Variants in NELL2 observed in about 807,000 individuals in gnomAD.
NELL2 encodes the protein neural EGFL like 2.
A neutral mutation model predicts 109.6 loss-of-function variants in NELL2; 41 were observed. The observed-to-expected ratio is 0.37, with a 90% CI of 0.29 to 0.49. The LOEUF is 0.49. NELL2 is among the 20% of genes least tolerant of loss of function. The probability of loss-of-function intolerance (pLI) is 0.98; values close to 1 mark genes in which losing one functional copy is unlikely to be tolerated. For missense variants in NELL2, 900 were observed against 1,008.3 expected (o/e 0.89, Z 1.45); for synonymous variants, 355 against 344.7 (o/e 1.03, Z -0.33).
At chr12:44,570,871 C>T (rs753250196) in intron 15 of NELL2, among the ~76,000 whole-genome samples, 9 of 152,140 alleles carry the variant, frequency 5.9e-5, no homozygotes, top group African/African-American at 1.4e-4. Flanking sequence ...AACAGAAATG[C>T]ATTATGTCTA....
rs184365457 is a variant in NELL2 at position 44,781,433 on chromosome 12, C to A, written c.336-1411G>T. ...GATCTAACATTTGTATCACTAGCAT[C>A]CGAGAAAGAGAGGAGAAAGGAGGCG... On this transcript the variant is annotated intron_variant, in intron 3 of 19. Transcript: ENST00000429094. Among the ~76,000 whole-genome samples the A allele has an allele frequency of 5.2e-3, 791 of 151,810 alleles. 7 individuals carry two copies. Among genetic ancestry groups the A allele is most frequent in the African/African-American group, 0.018 (750 of 41,438 alleles).
At chr12:44,760,791 A>T (rs1013901382) in intron 9 of NELL2, among the ~76,000 whole-genome samples, 1 of 152,198 alleles carries the variant, frequency 6.6e-6, no homozygotes, top group Non-Finnish European at 1.5e-5. Context: ...GGGGACATTC[A>T]GAGGCTGGAT....
chr12:44,844,516 C>T (rs1213833620), intron 2 of NELL2, among the ~76,000 whole-genome samples: 1 of 152,108 alleles, frequency 6.6e-6, no homozygotes, highest in Non-Finnish European at 1.5e-5. Flanking sequence ...AAATCAGCCT[C>T]CTCAAAGGTG....
intron 3 of NELL2, among the ~76,000 whole-genome samples, chr12:44,794,747 A>T (rs1192669282): frequency 6.6e-6 from 1 of 152,202 alleles, no homozygotes; most frequent in East Asian, 1.9e-4. Flanking sequence ...CATTTTAAAC[A>T]CAATTGTTTG....
At chr12:44,723,162 G>C (rs1938878352) in intron 9 of NELL2, among the ~76,000 whole-genome samples, 1 of 151,532 alleles carries the variant, frequency 6.6e-6, no homozygotes, top group East Asian at 1.9e-4. Context: ...CTGCACTCCA[G>C]CCTGGGCGAC....
Position 44,600,692 on chromosome 12 carries a change from A to T in NELL2, c.1663+6477T>A, listed in dbSNP as rs1945185930. On this transcript the variant is annotated intron_variant, in intron 15 of 19. Coordinates refer to ENST00000429094, the MANE Select transcript of NELL2 (RefSeq NM_001145108.2). ...GACTTTTACAAATTAAAAGTCTACT[A>T]TTTGAATGGCAGAAAGCCTCAGCTT... Among the ~76,000 whole-genome samples the T allele has an allele frequency of 2.0e-5, 3 of 152,220 alleles. No homozygotes were observed. In the South Asian group the frequency reaches 6.2e-4, roughly 31 times the overall value.
chr12:44,623,560 C>T (rs1472123370), intron 13 of NELL2, among the ~76,000 whole-genome samples: 2 of 151,250 alleles, frequency 1.3e-5, no homozygotes, highest in East Asian at 3.9e-4. Context: ...GATAAGGTTC[C>T]TTAAACTTCA....
At chr12:44,581,751 A>G (rs138161105) in intron 15 of NELL2, among the ~76,000 whole-genome samples, 210 of 152,284 alleles carry the variant, frequency 1.4e-3, no homozygotes, top group African/African-American at 4.8e-3. Flanking sequence ...ATAAAAATCA[A>G]TTGAAAGCTA....
chr12:44,770,636 A>T (rs868422422), intron 9 of NELL2, among the ~76,000 whole-genome samples: 4 of 152,240 alleles, frequency 2.6e-5, no homozygotes, highest in Non-Finnish European at 5.9e-5. Context: ...AACCAAAAGA[A>T]TGATGATTTG....
intron 9 of NELL2, among the ~76,000 whole-genome samples, chr12:44,766,574 G>A (rs1436664915): frequency 5.9e-5 from 9 of 152,118 alleles, no homozygotes. Context: ...AACAGCACTG[G>A]AGATAAAAAG....
At chr12:44,773,741 T>C (rs10880683) in intron 9 of NELL2, among the ~76,000 whole-genome samples, 34,996 of 152,082 alleles carry the variant, frequency 0.23, 4,259 homozygotes, top group South Asian at 0.28. Flanking sequence ...TTGACTAGGC[T>C]AATACAGTCT....
chr12:44,843,058 GC>G (rs1592639595), intron 2 of NELL2, among the ~76,000 whole-genome samples: 1 of 152,034 alleles, frequency 6.6e-6, no homozygotes, highest in South Asian at 2.1e-4. Context: ...TGTTACAGCA[GC>G]CCTAGGAAAC....
At chr12:44,624,524 T>C (rs945463510) in intron 13 of NELL2, among the ~76,000 whole-genome samples, 3 of 151,990 alleles carry the variant, frequency 2.0e-5, no homozygotes, top group African/African-American at 7.2e-5. Context: ...GGATCCCAGA[T>C]CTAGTACAAC....
At chr12:44,576,335 C>T (rs908403141) in intron 15 of NELL2, among the ~76,000 whole-genome samples, 1 of 152,178 alleles carries the variant, frequency 6.6e-6, no homozygotes, top group Non-Finnish European at 1.5e-5. Context: ...AGGTCTCTTT[C>T]CTCACTAAAC....
chr12:44,755,327 T>C (rs1400861080), intron 9 of NELL2, among the ~76,000 whole-genome samples: 1 of 152,110 alleles, frequency 6.6e-6, no homozygotes, highest in East Asian at 1.9e-4. Context: ...AAATATCTGC[T>C]CTTTCAGGTT....
chr12:44,572,319 A>T (rs552631681), intron 15 of NELL2, among the ~76,000 whole-genome samples: 31 of 151,228 alleles, frequency 2.0e-4, no homozygotes, highest in South Asian at 4.2e-4. Context: ...TTAAAAAAAA[A>T]TTTTTTTTTC....
chr12:44,692,714 T>C (rs1948938428), intron 12 of NELL2, among the ~76,000 whole-genome samples: 2 of 152,072 alleles, frequency 1.3e-5, no homozygotes. Context: ...CATAGATGAC[T>C]TTGAGTGGTT....
At chr12:44,560,126 C>G (rs1943412906) in intron 15 of NELL2, among the ~76,000 whole-genome samples, 1 of 152,034 alleles carries the variant, frequency 6.6e-6, no homozygotes, top group African/African-American at 2.4e-5. Flanking sequence ...TATTTGAAAC[C>G]AATGAGAACA....
intron 17 of NELL2, 58 bp downstream of exon 17, chr12:44,523,233 A>C: frequency 1.9e-6 from 3 of 1,570,724 alleles, no homozygotes; most frequent in South Asian, 1.1e-5. Flanking sequence ...ATACACACTT[A>C]AAACATATGC....
Sources: allele counts gnomAD v4.1 joint callset (sites outside exome capture counted in the v4.1 genomes callset), GRCh38; gene constraint gnomAD v4.1.1; transcripts MANE v1.5; gene names NCBI Gene and HGNC (gene_info 2026-07-23, HGNC 2026-07-21).